CENPP: variants seen among roughly 807,000 people sequenced by gnomAD.
The protein encoded by CENPP is centromere protein P.
CENPP carries 24 observed loss-of-function variants against 35.6 expected under a neutral mutation model. That is an observed-to-expected ratio of 0.67 (90% CI 0.49 to 0.95). CENPP has a LOEUF of 0.95. Among genes scored for constraint, CENPP ranks in the 40% least tolerant of loss-of-function variants. CENPP has a pLI of 0.00. For synonymous variants in CENPP, 120 were observed against 125.5 expected (o/e 0.96, Z 0.29); for missense variants, 332 against 345.3 (o/e 0.96, Z 0.31).
At chr9:92,342,662 T>C (rs1340372902) in intron 3 of CENPP, among the ~76,000 whole-genome samples, 1 of 152,230 alleles carries the variant, frequency 6.6e-6, no homozygotes, top group Non-Finnish European at 1.5e-5. Flanking sequence ...ACAGGGTTTT[T>C]GGAATCAGTT....
intron 5 of CENPP, among the ~76,000 whole-genome samples, chr9:92,444,639 A>G (rs1192133234): frequency 6.6e-6 from 1 of 152,130 alleles, no homozygotes; most frequent in South Asian, 2.1e-4. Context: ...TCTCTGTCCC[A>G]TGTTAAGCTC....
chr9:92,481,535 G>C (rs1845911722), intron 5 of CENPP, among the ~76,000 whole-genome samples: 1 of 152,148 alleles, frequency 6.6e-6, no homozygotes, highest in African/African-American at 2.4e-5. Context: ...GATTACTAGG[G>C]AGTAGAATAT....
At chr9:92,406,844 T>G (rs1211108259) in intron 5 of CENPP, among the ~76,000 whole-genome samples, 2 of 152,146 alleles carry the variant, frequency 1.3e-5, no homozygotes, top group Non-Finnish European at 2.9e-5. Context: ...TCTTCACAGC[T>G]AGAGGAGGAA....
At chr9:92,352,505 G>GTATATA (rs1554753078) in intron 4 of CENPP, among the ~76,000 whole-genome samples, 5 of 49,784 alleles carry the variant, frequency 1.0e-4, no homozygotes, top group African/African-American at 3.6e-4. Flanking sequence ...GTGTGTGTGT[G>GTATATA]TATACATATA....
chr9:92,329,192 T>A (rs1314688050), intron 1 of CENPP, among the ~76,000 whole-genome samples: 2 of 150,174 alleles, frequency 1.3e-5, no homozygotes, highest in African/African-American at 4.9e-5. Context: ...CTTTTTTTTT[T>A]TTTTTTTTTG....
At chr9:92,578,146 T>G (rs902122072) in intron 5 of CENPP, among the ~76,000 whole-genome samples, 4 of 152,150 alleles carry the variant, frequency 2.6e-5, no homozygotes, top group African/African-American at 9.7e-5. Context: ...TTTTTATGGC[T>G]GCATAGTATT....
At chr9:92,586,085 G>A (rs1588297578) in intron 5 of CENPP, among the ~76,000 whole-genome samples, 1 of 152,020 alleles carries the variant, frequency 6.6e-6, no homozygotes, top group South Asian at 2.1e-4. Context: ...CGCTCTTGTC[G>A]CCCAGGCTGG....
chr9:92,479,230 G>GT (rs1845824894), intron 5 of CENPP, among the ~76,000 whole-genome samples: 1 of 152,208 alleles, frequency 6.6e-6, no homozygotes. Flanking sequence ...CAGTCCCCCA[G>GT]TGGCATCAGG....
intron 1 of CENPP, among the ~76,000 whole-genome samples, chr9:92,327,975 T>C (rs1162147524): frequency 1.3e-5 from 2 of 152,256 alleles, no homozygotes; most frequent in Non-Finnish European, 2.9e-5. Flanking sequence ...TGCTGGTCAG[T>C]TGTTGTGTCT....
intron 5 of CENPP, among the ~76,000 whole-genome samples, chr9:92,516,166 C>T (rs1053741219): frequency 6.6e-6 from 1 of 151,722 alleles, no homozygotes; most frequent in African/African-American, 2.4e-5. Flanking sequence ...CGGGTTCAAG[C>T]GATTCTCCTG....
chr9:92,524,570 A>T (rs114873526), intron 5 of CENPP, among the ~76,000 whole-genome samples: 6,069 of 152,282 alleles, frequency 0.04, 185 homozygotes, highest in South Asian at 0.099. Flanking sequence ...TGAGAAACAC[A>T]CACATACTCA....
At chr9:92,416,080 T>G (rs796071835) in intron 5 of CENPP, among the ~76,000 whole-genome samples, 1 of 137,322 alleles carries the variant, frequency 7.3e-6, no homozygotes, top group African/African-American at 2.8e-5. Flanking sequence ...ATTTATTTAT[T>G]TATTTATTTA....
At chr9:92,350,164 T>G (rs1841406741) in intron 4 of CENPP, among the ~76,000 whole-genome samples, 1 of 152,236 alleles carries the variant, frequency 6.6e-6, no homozygotes, top group Non-Finnish European at 1.5e-5. Flanking sequence ...TGTGTTCGCT[T>G]TATACTTGAG....
chr9:92,603,591 C>T (rs1850988364), intron 5 of CENPP, among the ~76,000 whole-genome samples: 2 of 152,176 alleles, frequency 1.3e-5, no homozygotes, highest in Admixed American at 1.3e-4. Flanking sequence ...GATCCCTGTG[C>T]ACTTCCCCAC....
intron 5 of CENPP, among the ~76,000 whole-genome samples, chr9:92,534,202 C>A (rs1379646678): frequency 6.6e-6 from 1 of 152,140 alleles, no homozygotes. Flanking sequence ...CTTTTTATTT[C>A]CTAGTGTAGC....
At chr9:92,510,295 G>T (rs915398461) in intron 5 of CENPP, among the ~76,000 whole-genome samples, 4 of 152,194 alleles carry the variant, frequency 2.6e-5, no homozygotes, top group Non-Finnish European at 2.9e-5. Context: ...TGCAGCTTTA[G>T]AAAGTGAGAG....
intron 5 of CENPP, among the ~76,000 whole-genome samples, chr9:92,599,755 CAG>C (rs1225270060): frequency 6.6e-6 from 1 of 152,158 alleles, no homozygotes; most frequent in African/African-American, 2.4e-5. Context: ...TCCTGTTTCT[CAG>C]AGTCACTTCC....
intron 5 of CENPP, among the ~76,000 whole-genome samples, chr9:92,394,479 G>A (rs1451650709): frequency 2.7e-5 from 4 of 149,304 alleles, no homozygotes; most frequent in African/African-American, 9.9e-5. Flanking sequence ...TCTCGAACAT[G>A]ACCTCAAGTG....
At chr9:92,490,886 T>TC (rs1846157332) in intron 5 of CENPP, among the ~76,000 whole-genome samples, 1 of 152,218 alleles carries the variant, frequency 6.6e-6, no homozygotes, top group African/African-American at 2.4e-5. Flanking sequence ...TCTAAGTTTT[T>TC]CTGTGAAAAT....
Sources: gnomAD v4.1 joint callset for allele counts (sites outside exome capture counted in the v4.1 genomes callset) on GRCh38, gnomAD v4.1.1 for gene constraint, MANE v1.5 for transcripts, NCBI Gene and HGNC (gene_info 2026-07-23, HGNC 2026-07-21) for gene names.